CALCRL: variants seen among roughly 807,000 people sequenced by gnomAD.
CALCRL encodes calcitonin receptor like receptor.
A neutral mutation model predicts 60.4 loss-of-function variants in CALCRL; 27 were observed. That is an observed-to-expected ratio of 0.45 (90% CI 0.33 to 0.62). CALCRL has a LOEUF of 0.62. Ranked by LOEUF, CALCRL falls within the 20% of genes least tolerant of loss-of-function variation. The probability of loss-of-function intolerance (pLI) is 0.03; values close to 1 mark genes in which losing one functional copy is unlikely to be tolerated. For synonymous variants in CALCRL, 190 were observed against 182.6 expected, an observed-to-expected ratio of 1.04 and a Z score of -0.33; for missense variants, 424 against 540.7, an observed-to-expected ratio of 0.78 and a Z score of 2.14.
intron 1 of CALCRL, among the ~76,000 whole-genome samples, chr2:187,396,194 T>C (rs6710852): frequency 6.6e-6 from 1 of 151,066 alleles, no homozygotes; most frequent in African/African-American, 2.4e-5. Context: ...AATAAATAAA[T>C]AAAGAAAAAA....
intron 1 of CALCRL, among the ~76,000 whole-genome samples, chr2:187,439,513 C>CA (rs969540899): frequency 2.0e-5 from 3 of 151,232 alleles, no homozygotes; most frequent in East Asian, 1.9e-4. Flanking sequence ...AAAAAACCAA[C>CA]AAAAAAACAG....
intron 1 of CALCRL, among the ~76,000 whole-genome samples, chr2:187,406,600 G>T (rs1689139326): frequency 6.6e-6 from 1 of 151,992 alleles, no homozygotes; most frequent in Non-Finnish European, 1.5e-5. Context: ...CTATGTATAT[G>T]TTATTTTTAT....
rs1686194803 is a variant in CALCRL at position 187,344,258 on chromosome 2, A to T, written c.*1926T>A. On this transcript the variant is annotated 3_prime_UTR_variant, in exon 15 of 15. Coordinates refer to ENST00000392370, the MANE Select transcript of CALCRL (RefSeq NM_005795.6). The stretch of plus-strand genomic sequence containing the variant: ...GTTTCAAACAAAACAATACTTTTTC[A>T]TGCATAGATAAATTATAAATGTACT... 6.6e-6 allele frequency: 1 copy of T among 151,674 alleles called. No individual in the cohort carries two copies. Among genetic ancestry groups the T allele is most frequent in the Non-Finnish European group, 1.5e-5 (1 of 67,668 alleles). The allele number at this position is 151,674 out of a possible 1,614,324, so 9.4% of individuals were successfully genotyped here.
intron 1 of CALCRL, among the ~76,000 whole-genome samples, chr2:187,398,498 T>TA (rs1183389371): frequency 1.3e-5 from 2 of 151,738 alleles, no homozygotes; most frequent in Non-Finnish European, 3.0e-5. Flanking sequence ...ACTCTGTTGA[T>TA]ACTGTCTGAT....
chr2:187,369,557 A>G (rs1687435543), intron 8 of CALCRL, among the ~76,000 whole-genome samples: 3 of 152,170 alleles, frequency 2.0e-5, no homozygotes, highest in African/African-American at 7.2e-5. Flanking sequence ...CAAGGAAGCA[A>G]TAAGGCTTCT....
chr2:187,346,798 A>T lies in CALCRL; in HGVS notation c.1171-399T>A, dbSNP rs373819920. Among the ~76,000 whole-genome samples the T allele has an allele frequency of 5.5e-4, 83 of 151,860 alleles. 1 individual carries two copies. The South Asian group carries it at 0.011, about 21-fold the overall frequency. ...AGACAATTCGTGACAGGATAAGCGA[A>T]AGATACACAAAAGAAAAGAAGTTAG... On this transcript the variant is annotated intron_variant, in intron 14 of 14. Transcript: ENST00000392370.
chr2:187,374,973 A>C (rs1469025416), intron 8 of CALCRL, among the ~76,000 whole-genome samples: 1 of 152,152 alleles, frequency 6.6e-6, no homozygotes, highest in East Asian at 1.9e-4. Flanking sequence ...GTATTATACT[A>C]TCCATTAAAA....
At chr2:187,378,156 A>G (rs1490562237) in intron 8 of CALCRL, among the ~76,000 whole-genome samples, 1 of 152,010 alleles carries the variant, frequency 6.6e-6, no homozygotes, top group Non-Finnish European at 1.5e-5. Flanking sequence ...AAGAAGAAAG[A>G]GAAGGAGCAG....
chr2:187,418,839 G>T (rs1346283146), intron 1 of CALCRL, among the ~76,000 whole-genome samples: 3 of 144,464 alleles, frequency 2.1e-5, no homozygotes, highest in Non-Finnish European at 3.0e-5. Flanking sequence ...TTAGAAACTT[G>T]TGTTTTTTTT....
intron 12 of CALCRL, among the ~76,000 whole-genome samples, chr2:187,358,003 A>G (rs926722602): frequency 3.9e-5 from 6 of 152,006 alleles, no homozygotes; most frequent in Admixed American, 2.0e-4. Context: ...CTGTAATTGC[A>G]CTATGATCTC....
chr2:187,406,883 A>G (rs572741052), intron 1 of CALCRL, among the ~76,000 whole-genome samples: 77 of 152,208 alleles, frequency 5.1e-4, no homozygotes, highest in African/African-American at 1.8e-3. Context: ...GAATTTTGGA[A>G]AAAATGGAGC....
chr2:187,401,943 A>T (rs1688904373), intron 1 of CALCRL, among the ~76,000 whole-genome samples: 1 of 151,338 alleles, frequency 6.6e-6, no homozygotes. Context: ...AATCAAGGAA[A>T]GAAGGAAGGA....
intron 7 of CALCRL, 48 bp from the exon 8 acceptor site, chr2:187,379,079 G>T: frequency 1.1e-6 from 1 of 903,154 alleles, no homozygotes; most frequent in Non-Finnish European, 1.8e-6. Context: ...AATACTATAA[G>T]TATCTGTAAT....
chr2:187,386,448 G>A (rs1363304533), intron 3 of CALCRL, among the ~76,000 whole-genome samples: 1 of 151,886 alleles, frequency 6.6e-6, no homozygotes, highest in Non-Finnish European at 1.5e-5. Context: ...TTAAAATTAG[G>A]AAATAAAAGA....
intron 1 of CALCRL, among the ~76,000 whole-genome samples, chr2:187,397,737 A>G (rs948785639): frequency 6.6e-6 from 1 of 151,186 alleles, no homozygotes; most frequent in South Asian, 2.1e-4. Flanking sequence ...ATTATTCCAC[A>G]CTCTATGTCT....
intron 1 of CALCRL, among the ~76,000 whole-genome samples, chr2:187,399,693 G>A (rs1675558157): frequency 6.6e-6 from 1 of 151,508 alleles, no homozygotes; most frequent in Non-Finnish European, 1.5e-5. Context: ...AGAAGATATG[G>A]AGTCAATCTG....
chr2:187,405,897 T>C (rs951929556), intron 1 of CALCRL, among the ~76,000 whole-genome samples: 19 of 152,016 alleles, frequency 1.2e-4, no homozygotes, highest in Non-Finnish European at 1.8e-4. Flanking sequence ...TTTGTCCTTA[T>C]GAAGTACTTC....
chr2:187,380,769 G>A lies in CALCRL; in HGVS notation c.203C>T (p.Thr68Ile), dbSNP rs1470241807. The change falls in exon 6 of 15, where the codon ACC becomes ATC. Residue 68 changes from threonine (T) to isoleucine (I), a missense_variant. By Grantham distance (89) the Thr-to-Ile change is moderately conservative. This residue lies in a region of CALCRL where 108 missense variants were observed against 132.9 expected (regional missense o/e 0.81). Transcript: ENST00000392370. ...QQAEGVYCNR[T>I]WDGWLCWNDV... ...GTTCCAGCAGAGCCATCCATCCCAG[G>A]TTCTGTTGCAGTAAACGCCTTAGTG... 1.9e-6 allele frequency: 3 copies of A among 1,613,850 alleles called. No homozygotes were observed. Among genetic ancestry groups the A allele is most frequent in the Non-Finnish European group, 1.7e-6 (2 of 1,179,832 alleles).
In CALCRL at chr2:187,343,614, T is replaced by C. The variant is rs1342777770; in HGVS notation, c.*2570A>G. On this transcript the variant is annotated 3_prime_UTR_variant, in exon 15 of 15. Transcript: ENST00000392370. ...TAACTTTAGGAAATAAAATGACAAA[T>C]TAGAATTTAGAAAATTAAAATATGA... 1 of 151,710 alleles carries C rather than the reference T, an allele frequency of 6.6e-6. No homozygotes were observed. The highest frequency in any genetic ancestry group is 2.4e-5 in the African/African-American group (1 of 41,380). The allele number at this position is 151,710 out of a possible 1,614,324, so 9.4% of individuals were successfully genotyped here.
Sources: gnomAD v4.1 joint callset for allele counts (sites outside exome capture counted in the v4.1 genomes callset) on GRCh38, gnomAD v4.1.1 for gene constraint, gnomAD v4.1.1 regional missense constraint, MANE v1.5 for transcripts, NCBI Gene and HGNC (gene_info 2026-07-23, HGNC 2026-07-21) for gene names.